SEC31A: variants seen among roughly 807,000 people sequenced by gnomAD.
The protein encoded by SEC31A is protein transport protein Sec31A.
Under a neutral mutation model 151.0 loss-of-function variants are expected in SEC31A, and 70 were observed. The observed-to-expected ratio is 0.46, with a 90% CI of 0.38 to 0.57. The LOEUF (loss-of-function observed/expected upper bound fraction) is 0.57. SEC31A is among the 20% of genes least tolerant of loss of function. The pLI is 0.00. For synonymous variants in SEC31A, 475 were observed against 505.9 expected (o/e 0.94, Z 0.82); for missense variants, 1,330 against 1,471.2 (o/e 0.90, Z 1.57).
chr4:82,861,659 G>T lies in SEC31A; in HGVS notation c.1598C>A (p.Pro533His). ...QVAQSDGEES[P>H]AAEEQLLGEH... ...TCCCAAGAGCTGCTCTTCAGCAGCA[G>T]GGCTCTCCTCCCCATCACTCTGTGC... The change falls in exon 14 of 27, where the codon CCT becomes CAT. Residue 533 changes from proline (P) to histidine (H), a missense_variant. Physicochemically the swap from Pro to His is moderately conservative, Grantham distance 77 (BLOSUM62 -2). Transcript: ENST00000395310. 6.2e-7 allele frequency: 1 copy of T among 1,610,706 alleles called. No individual in the cohort carries two copies. The highest frequency in any genetic ancestry group is 8.5e-7 in the Non-Finnish European group (1 of 1,177,744).
intron 22 of SEC31A, among the ~76,000 whole-genome samples, chr4:82,840,294 G>A (rs1299477824): frequency 1.3e-5 from 2 of 151,990 alleles, no homozygotes; most frequent in African/African-American, 2.4e-5. Context: ...TTTAAGTGGG[G>A]ATTTACTCCA....
exon 3 of SEC31A, chr4:82,899,724 T>TA (rs1720226420): frequency 6.5e-6 from 1 of 152,676 alleles, no homozygotes; most frequent in African/African-American, 2.4e-5. Context: ...TTAATATGTA[T>TA]CTTCGGCTGT....
At chr4:82,888,252 T>C (rs1450838797) in intron 1 of SEC31A, among the ~76,000 whole-genome samples, 3 of 146,158 alleles carry the variant, frequency 2.1e-5, no homozygotes, top group African/African-American at 7.8e-5. Flanking sequence ...GGTGTGTACC[T>C]GTAATCCCAG....
intron 20 of SEC31A, among the ~76,000 whole-genome samples, chr4:82,847,502 T>C (rs1227651170): frequency 6.6e-6 from 1 of 152,206 alleles, no homozygotes. Flanking sequence ...ATATTCTCTT[T>C]TCCTAATGTA....
At chr4:82,840,258 C>T (rs1285740754) in intron 22 of SEC31A, among the ~76,000 whole-genome samples, 1 of 151,948 alleles carries the variant, frequency 6.6e-6, no homozygotes, top group Non-Finnish European at 1.5e-5. Context: ...AATGTTAATT[C>T]CCTTCCCTAC....
In SEC31A at chr4:82,875,802, A is replaced by T; in HGVS notation, c.423T>A (p.Gly141=). Residue 141 remains glycine (G), a synonymous_variant, in exon 5 of 27, where the codon GGT becomes GGA. Transcript: ENST00000395310. ...ATATGTAGATTTCAGATTCATTAGC[A>T]CCAGAAGCTACCAGATTAGTCTGCA... ...NIFQTNLVAS[G]ANESEIYIWD... is the part of the protein sequence containing the mutation. 3.1e-6 allele frequency: 5 copies of T among 1,601,304 alleles called. No homozygotes were observed. The highest frequency in any genetic ancestry group is 4.3e-6 in the Non-Finnish European group (5 of 1,172,388).
chr4:82,845,271 G>C (rs1262420149), intron 20 of SEC31A: 4 of 1,532,138 alleles, frequency 2.6e-6, no homozygotes, highest in Non-Finnish European at 3.5e-6. Context: ...ACTCCAGGTA[G>C]TGACAGTAGG....
chr4:82,837,157 T>TAATATATA (rs1727499082), intron 22 of SEC31A, among the ~76,000 whole-genome samples: 1 of 59,362 alleles, frequency 1.7e-5, no homozygotes, highest in African/African-American at 8.3e-5. Context: ...ATAAATTTTA[T>TAATATATA]CATATATATA....
intron 3 of SEC31A, chr4:82,897,978 A>G (rs1720135669): frequency 6.6e-6 from 1 of 152,232 alleles, no homozygotes; most frequent in Non-Finnish European, 1.5e-5. Flanking sequence ...TAAAATAGAA[A>G]GATATACTAC....
At chr4:82,830,944 C>A in intron 22 of SEC31A, 1 of 1,223,312 alleles carries the variant, frequency 8.2e-7, no homozygotes, top group Non-Finnish European at 1.1e-6. Flanking sequence ...CACCTTCCAA[C>A]ATAGGTGCCT....
At chr4:82,892,261 CTGAT>C (rs1231729813), upstream of SEC31A, among the ~76,000 whole-genome samples, 1 of 152,228 alleles carries the variant, frequency 6.6e-6, no homozygotes, top group Admixed American at 6.5e-5. Context: ...GCTAGTCAAA[CTGAT>C]TGGGATTTGT....
intron 1 of SEC31A, among the ~76,000 whole-genome samples, chr4:82,883,439 A>G (rs1739838834): frequency 6.6e-6 from 1 of 152,178 alleles, no homozygotes; most frequent in Non-Finnish European, 1.5e-5. Flanking sequence ...CTCTATGGCA[A>G]TTGTGCCTTT....
chr4:82,866,926 C>T lies in SEC31A; in HGVS notation c.1079G>A (p.Gly360Asp). The change falls in exon 10 of 27, where the codon GGC becomes GAC. Residue 360 changes from glycine to aspartate, a missense_variant. Transcript: ENST00000395310. ...SSSFGNLDPF[G>D]TGQPLPPLQI... Reference sequence around the variant, plus strand: ...TAACGGAGGAAGGGGCTGTCCTGTGCCAAAGGGATCAAGATTCCCAAAAGA... The same window carrying T: ...TAACGGAGGAAGGGGCTGTCCTGTGTCAAAGGGATCAAGATTCCCAAAAGA... 8 of 1,613,884 alleles carry T rather than the reference C, an allele frequency of 5.0e-6. No homozygotes were observed. Among genetic ancestry groups the T allele is most frequent in the Non-Finnish European group, 6.8e-6 (8 of 1,179,906 alleles).
At chr4:82,863,029 C>T (rs1578285991) in intron 12 of SEC31A, among the ~76,000 whole-genome samples, 1 of 152,206 alleles carries the variant, frequency 6.6e-6, no homozygotes, top group Admixed American at 6.5e-5. Context: ...TATACCTCTA[C>T]CACACATGCA....
intron 22 of SEC31A, among the ~76,000 whole-genome samples, chr4:82,829,634 A>G (rs1034483201): frequency 3.3e-5 from 5 of 152,176 alleles, no homozygotes; most frequent in African/African-American, 1.2e-4. Flanking sequence ...TAAGCAAAGT[A>G]AAAAAGGGTA....
chr4:82,852,387 CAAAG>C (rs1731642717), intron 18 of SEC31A, among the ~76,000 whole-genome samples: 1 of 152,104 alleles, frequency 6.6e-6, no homozygotes, highest in African/African-American at 2.4e-5. Context: ...ATGTGATTTC[CAAAG>C]GAGTTTACTA....
chr4:82,841,442 T>TTATATATATATATA (rs58373170), intron 22 of SEC31A, among the ~76,000 whole-genome samples: 8,991 of 63,006 alleles, frequency 0.14, 1,409 homozygotes, highest in Non-Finnish European at 0.26. Flanking sequence ...AAAAAAAATT[T>TTATATATATATATA]TATATATATA....
upstream of SEC31A, chr4:82,891,256 A>G (rs1457578643): frequency 7.4e-7 from 1 of 1,350,922 alleles, no homozygotes; most frequent in South Asian, 1.3e-5. Flanking sequence ...CGGGAGCGAC[A>G]TCTTTCCCCG....
At chr4:82,843,990 G>A (rs755241330) in intron 21 of SEC31A, 3 of 177,604 alleles carry the variant, frequency 1.7e-5, no homozygotes, top group Non-Finnish European at 3.5e-5. Flanking sequence ...TAAATAAAAT[G>A]GAAAAACAGT....
Sources: gnomAD v4.1 joint callset for allele counts (sites outside exome capture counted in the v4.1 genomes callset) on GRCh38, gnomAD v4.1.1 for gene constraint, MANE v1.5 for transcripts, NCBI Gene and HGNC (gene_info 2026-07-23, HGNC 2026-07-21) for gene names.